KIAA0825: variants seen among roughly 807,000 people sequenced by gnomAD.
KIAA0825 encodes uncharacterized protein KIAA0825.
In KIAA0825, 119 loss-of-function variants were observed where a neutral mutation model predicts 147.6. The observed-to-expected ratio is 0.81, with a 90% CI of 0.69 to 0.94. KIAA0825 has a LOEUF of 0.94. Among genes scored for constraint, KIAA0825 ranks in the 40% least tolerant of loss-of-function variants. The probability of loss-of-function intolerance (pLI) is 0.00; values close to 1 mark genes in which losing one functional copy is unlikely to be tolerated. For missense variants in KIAA0825, 1,381 were observed against 1,472.7 expected (o/e 0.94, Z 1.02); for synonymous variants, 470 against 518.1 (o/e 0.91, Z 1.26).
intron 14 of KIAA0825, among the ~76,000 whole-genome samples, chr5:94,427,934 A>G (rs1219745700): frequency 6.6e-6 from 1 of 152,176 alleles, no homozygotes; most frequent in African/African-American, 2.4e-5. Flanking sequence ...TGCTTGTTCA[A>G]TTGAACTCTT....
At position 94,582,435 on chromosome 5, in the gene KIAA0825, A is replaced by C. The variant is rs1364891628; in HGVS notation, c.-4T>G. ...ATATGAAGAAAAACATTTCTTACCT[A>C]ATTTTATTTCAGAAGACACTAAGAA... On this transcript the variant is annotated splice_region_variant and 5_prime_UTR_variant, in exon 2 of 21. The change creates a new upstream start codon in the 5' untranslated region. Coordinates refer to ENST00000682413, the MANE Select transcript of KIAA0825 (RefSeq NM_001145678.3). The C allele has an allele frequency of 6.6e-6, 1 of 152,230 alleles. No individual in the cohort carries two copies. Among genetic ancestry groups the C allele is most frequent in the East Asian group, 1.9e-4 (1 of 5,198 alleles). 9.4% of individuals were successfully genotyped at this position (152,230 alleles called of 1,614,324 possible).
intron 5 of KIAA0825, chr5:94,519,302 T>C (rs996325441): frequency 1.1e-6 from 1 of 907,544 alleles, no homozygotes; most frequent in Non-Finnish European, 1.3e-6. Context: ...AATTCAAAGA[T>C]CCATAATTCA....
chr5:94,217,936 A>G (rs143218145), intron 20 of KIAA0825, among the ~76,000 whole-genome samples: 9 of 152,312 alleles, frequency 5.9e-5, no homozygotes, highest in African/African-American at 1.7e-4. Context: ...ATGTTGCCCA[A>G]TAGTATTACA....
chr5:94,279,676 T>C (rs184304211), intron 20 of KIAA0825, among the ~76,000 whole-genome samples: 3 of 152,134 alleles, frequency 2.0e-5, no homozygotes, highest in Admixed American at 2.0e-4. Context: ...CTTTCCATAC[T>C]CTTCCCTACT....
At chr5:94,505,478 C>G (rs75783746) in intron 5 of KIAA0825, among the ~76,000 whole-genome samples, 2,155 of 151,490 alleles carry the variant, frequency 0.014, 41 homozygotes, top group African/African-American at 0.049. Flanking sequence ...TATGGCATAA[C>G]TAAGAGCATA....
At position 94,197,773 on chromosome 5, in the gene KIAA0825, A is replaced by G. The variant is rs374191088; in HGVS notation, c.3711-43649T>C. Reference sequence around the variant, plus strand: ...TATTGCTGACTTTGTCAAAGATCAGATGGTTGTAGGTGTGAAGTTTTATTT... The same window carrying G: ...TATTGCTGACTTTGTCAAAGATCAGGTGGTTGTAGGTGTGAAGTTTTATTT... On this transcript the variant is annotated intron_variant, in intron 20 of 20. Coordinates refer to ENST00000682413, the MANE Select transcript of KIAA0825 (RefSeq NM_001145678.3). Among the ~76,000 whole-genome samples the G allele has an allele frequency of 3.9e-4, 60 of 152,214 alleles. 1 individual carries two copies. Among genetic ancestry groups the G allele is most frequent in the African/African-American group, 1.4e-3 (59 of 41,534 alleles).
chr5:94,224,082 C>CTTTTTTTT (rs869059424), intron 20 of KIAA0825, among the ~76,000 whole-genome samples: 60 of 56,480 alleles, frequency 1.1e-3, no homozygotes, highest in East Asian at 1.9e-3. Flanking sequence ...TTTTTCTTTT[C>CTTTTTTTT]TTTTTTTTTT....
rs145613351 is a variant in KIAA0825, at chr5:94,520,389, C to A, written c.829G>T (p.Glu277Ter). 1.4e-5 allele frequency: 22 copies of A among 1,613,216 alleles called. No homozygotes were observed. The highest frequency in any genetic ancestry group is 1.8e-5 in the Non-Finnish European group (21 of 1,179,452). ...TCTGTAACAGTATCCAGGTAAGTTT[C>A]TTTAATGAATTTCACCATTGAAGAT... ...APSSMVKFIK[E>*]TYLDTVTEEM... The change falls in exon 5 of 21, where the codon GAA (glutamate) becomes TAA (stop). Residue 277 changes from glutamate (E) to a stop codon, truncating the protein, a stop_gained. Coordinates refer to ENST00000682413, the MANE Select transcript of KIAA0825 (RefSeq NM_001145678.3). LOFTEE classifies it high-confidence loss of function.
intron 2 of KIAA0825, among the ~76,000 whole-genome samples, chr5:94,559,011 G>T (rs566292864): frequency 6.6e-6 from 1 of 152,162 alleles, no homozygotes; most frequent in Non-Finnish European, 1.5e-5. Context: ...TGTTTCCTTA[G>T]GTCTTCATTT....
chr5:94,556,787 T>A (rs1776617647), intron 2 of KIAA0825, among the ~76,000 whole-genome samples: 1 of 152,224 alleles, frequency 6.6e-6, no homozygotes, highest in African/African-American at 2.4e-5. Context: ...TACTGTCATA[T>A]CCCAGCTTCT....
intron 20 of KIAA0825, among the ~76,000 whole-genome samples, chr5:94,286,607 C>T (rs1777673526): frequency 6.6e-6 from 1 of 151,764 alleles, no homozygotes; most frequent in South Asian, 2.1e-4. Context: ...GGTTGGAGTG[C>T]AGTAGTATAA....
chr5:94,618,135 G>T (rs1032321939), intron 1 of KIAA0825: 2 of 152,290 alleles, frequency 1.3e-5, no homozygotes, highest in African/African-American at 4.8e-5. Flanking sequence ...TACGGAAACA[G>T]TACTCAGGAA....
chr5:94,403,475 T>C (rs1584390877), intron 16 of KIAA0825, 94 bp downstream of exon 16: 1 of 857,930 alleles, frequency 1.2e-6, no homozygotes, highest in South Asian at 1.7e-5. Context: ...ATATAGTTCA[T>C]CATTCTTATA....
intron 6 of KIAA0825, among the ~76,000 whole-genome samples, chr5:94,480,682 T>C (rs1259434430): frequency 2.6e-5 from 4 of 152,092 alleles, no homozygotes; most frequent in African/African-American, 9.7e-5. Flanking sequence ...TGTGCTCAGA[T>C]GTTTATACAA....
At chr5:94,245,451 ATATCTAAT>A (rs1437783158) in intron 20 of KIAA0825, among the ~76,000 whole-genome samples, 2 of 152,160 alleles carry the variant, frequency 1.3e-5, no homozygotes, top group East Asian at 3.9e-4. Context: ...TCACAATAAA[ATATCTAAT>A]TCCTAGGTTC....
intron 20 of KIAA0825, among the ~76,000 whole-genome samples, chr5:94,328,227 T>C (rs1468913301): frequency 6.6e-6 from 1 of 152,202 alleles, no homozygotes; most frequent in African/African-American, 2.4e-5. Flanking sequence ...ATCAATTTAT[T>C]ATCATATATA....
chr5:94,486,111 T>G (rs1763027194), intron 5 of KIAA0825, among the ~76,000 whole-genome samples: 1 of 151,954 alleles, frequency 6.6e-6, no homozygotes, highest in Non-Finnish European at 1.5e-5. Context: ...CTAAATGGTC[T>G]TTTTGACCAA....
intron 20 of KIAA0825, among the ~76,000 whole-genome samples, chr5:94,256,563 C>T (rs1290451221): frequency 6.6e-6 from 1 of 152,024 alleles, no homozygotes; most frequent in Non-Finnish European, 1.5e-5. Context: ...ATTACATAGG[C>T]AATATAGTTT....
At position 94,512,552 on chromosome 5, in the gene KIAA0825, A is replaced by G. The variant is rs1176707798; in HGVS notation, c.970+7696T>C. On this transcript the variant is annotated intron_variant, in intron 5 of 20. Transcript: ENST00000682413. ...CAAGGCAAGAGGATTGCTTGAGCCC[A>G]AGCATTCAAGACCAGCTTGGGCAAC... Among the ~76,000 whole-genome samples, 5 of 151,840 alleles carry G rather than the reference A, an allele frequency of 3.3e-5. No individual in the cohort carries two copies. In the East Asian group the frequency reaches 7.7e-4, roughly 24 times the overall value.
Sources: gnomAD v4.1 joint callset for allele counts (sites outside exome capture counted in the v4.1 genomes callset) on GRCh38, gnomAD v4.1.1 for gene constraint, MANE v1.5 for transcripts, NCBI Gene and HGNC (gene_info 2026-07-23, HGNC 2026-07-21) for gene names.